MOSMO: variants seen among roughly 807,000 people sequenced by gnomAD.
The protein encoded by MOSMO is modulator of smoothened protein.
Under a neutral mutation model 18.4 loss-of-function variants are expected in MOSMO, and 5 were observed. That is an observed-to-expected ratio of 0.27 (90% CI 0.14 to 0.57). The LOEUF (loss-of-function observed/expected upper bound fraction) is 0.57. Ranked by LOEUF, MOSMO falls within the 20% of genes least tolerant of loss-of-function variation. MOSMO has a pLI of 0.92. For synonymous variants in MOSMO, 82 were observed against 82.3 expected (o/e 1.00, Z 0.02); for missense variants, 138 against 211.8 (o/e 0.65, Z 2.16).
At chr16:22,071,554 A>G (rs1900852367) in intron 1 of MOSMO, among the ~76,000 whole-genome samples, 1 of 152,194 alleles carries the variant, frequency 6.6e-6, no homozygotes, top group Admixed American at 6.5e-5. Context: ...CAGTGTCTGG[A>G]TTTACAGATG....
intron 1 of MOSMO, among the ~76,000 whole-genome samples, chr16:22,025,609 G>A (rs1598000254): frequency 6.6e-6 from 1 of 152,094 alleles, no homozygotes; most frequent in African/African-American, 2.4e-5. Flanking sequence ...AAGGAAAAAA[G>A]GAATTATCAA....
intron 1 of MOSMO, among the ~76,000 whole-genome samples, chr16:22,072,917 T>A (rs1428584152): frequency 3.9e-5 from 6 of 152,178 alleles, no homozygotes; most frequent in Non-Finnish European, 8.8e-5. Flanking sequence ...TGGTTTTGAT[T>A]TATTGTGATA....
rs1031479352 is a variant in MOSMO, at chr16:22,081,833, G to C, written c.*953G>C. 1 of 151,954 alleles carries C rather than the reference G, an allele frequency of 6.6e-6. No homozygotes were observed. The highest frequency in any genetic ancestry group is 2.4e-5 in the African/African-American group (1 of 41,386). 9.4% of individuals were successfully genotyped at this position (151,954 alleles called of 1,614,324 possible). ...TTTGTAGCAGCCCTTGATTTTAACAGGTTTTTGTAATAGGTACAGATAATC... is the reference window on the plus strand; with the variant it reads ...TTTGTAGCAGCCCTTGATTTTAACACGTTTTTGTAATAGGTACAGATAATC... On this transcript the variant is annotated 3_prime_UTR_variant, in exon 3 of 3. Coordinates refer to ENST00000542527, the MANE Select transcript of MOSMO (RefSeq NM_001164579.2).
Position 22,075,486 on chromosome 16 carries a change from G to A in MOSMO, c.107-1G>A. 6.5e-7 allele frequency: 1 copy of A among 1,537,134 alleles called. No homozygotes were observed. Among genetic ancestry groups the A allele is most frequent in the Non-Finnish European group, 8.7e-7 (1 of 1,146,794 alleles). On this transcript the variant is annotated splice_acceptor_variant, in intron 1 of 2. Coordinates refer to ENST00000542527, the MANE Select transcript of MOSMO (RefSeq NM_001164579.2). LOFTEE classifies it high-confidence loss of function. ...TATTCCCACCATTTGCATCTCCCCA[G>A]GAGCACTCACTGTGGGCCTCGTGCG... is the stretch of plus-strand genomic sequence containing the variant.
intron 1 of MOSMO, 45 bp from the exon 2 acceptor site, chr16:22,075,442 C>T (rs1283832787): frequency 1.4e-6 from 2 of 1,454,850 alleles, no homozygotes; most frequent in East Asian, 4.9e-5. Context: ...ATTCCCTGGA[C>T]AGGCCAAACC....
intron 1 of MOSMO, among the ~76,000 whole-genome samples, chr16:22,017,291 C>G (rs1272150402): frequency 6.6e-6 from 1 of 152,128 alleles, no homozygotes; most frequent in Admixed American, 6.5e-5. Context: ...TGATATGCTT[C>G]TCTAAGAGAC....
chr16:22,085,867 G>C (rs898463217), downstream of MOSMO: 1 of 152,112 alleles, frequency 6.6e-6, no homozygotes, highest in Non-Finnish European at 1.5e-5. Flanking sequence ...GCACATTCAA[G>C]GGTTTTACAA....
chr16:22,030,337 C>T (rs1010367934), intron 1 of MOSMO, among the ~76,000 whole-genome samples: 12 of 152,092 alleles, frequency 7.9e-5, no homozygotes, highest in African/African-American at 2.9e-4. Context: ...AAATCAAAAC[C>T]GTATTTTCCA....
Position 22,075,527 on chromosome 16 carries a change from C to T in MOSMO, c.147C>T (p.Ile49=). Residue 49 remains isoleucine (I), a synonymous_variant, in exon 2 of 3, where the codon ATC becomes ATT. Coordinates refer to ENST00000542527, the MANE Select transcript of MOSMO (RefSeq NM_001164579.2). ...GCCTCGTGCGACAGTGTCAAACAAT[C>T]CATGGACGAGACCGGACGTGCATCC... ...TVGLVRQCQT[I]HGRDRTCIPP... is the part of the protein sequence containing the mutation. 2 of 1,537,314 alleles carry T rather than the reference C, an allele frequency of 1.3e-6. No individual in the cohort carries two copies. Among genetic ancestry groups the T allele is most frequent in the Non-Finnish European group, 1.7e-6 (2 of 1,146,918 alleles).
intron 1 of MOSMO, among the ~76,000 whole-genome samples, chr16:22,011,484 G>A (rs1159165720): frequency 7.9e-5 from 12 of 152,082 alleles, no homozygotes; most frequent in Non-Finnish European, 1.3e-4. Flanking sequence ...AAAACTAATG[G>A]ATTGTTCAGT....
At chr16:22,016,185 C>CT (rs1899632250) in intron 1 of MOSMO, among the ~76,000 whole-genome samples, 2 of 151,966 alleles carry the variant, frequency 1.3e-5, no homozygotes, top group African/African-American at 4.8e-5. Flanking sequence ...TCTTGGATTC[C>CT]TTTTTTATTA....
At chr16:22,027,151 A>G (rs890628676) in intron 1 of MOSMO, among the ~76,000 whole-genome samples, 3 of 152,240 alleles carry the variant, frequency 2.0e-5, no homozygotes, top group Admixed American at 6.5e-5. Flanking sequence ...TTATATCACT[A>G]GTAAGAATGC....
chr16:22,057,214 T>C (rs1244256704), intron 1 of MOSMO, among the ~76,000 whole-genome samples: 1 of 152,210 alleles, frequency 6.6e-6, no homozygotes, highest in African/African-American at 2.4e-5. Context: ...AGAAATTATT[T>C]CTCACAGTTC....
At chr16:22,080,063 C>T (rs1405921083) in intron 2 of MOSMO, among the ~76,000 whole-genome samples, 1 of 152,154 alleles carries the variant, frequency 6.6e-6, no homozygotes, top group East Asian at 1.9e-4. Flanking sequence ...GGATTACAGA[C>T]ATGAGCCACC....
the MOSMO span, chr16:22,092,565 A>G: frequency 1.3e-6 from 2 of 1,539,880 alleles, no homozygotes; most frequent in Non-Finnish European, 1.8e-6. Context: ...AGCTTGGAGA[A>G]ACCAGAAGTG....
intron 1 of MOSMO, among the ~76,000 whole-genome samples, chr16:22,026,215 C>G (rs200648662): frequency 1.6e-5 from 2 of 122,122 alleles, no homozygotes; most frequent in South Asian, 2.6e-4. Flanking sequence ...GAATTGCATT[C>G]TTTTTTTTTT....
At position 22,023,733 on chromosome 16, in the gene MOSMO, T is replaced by C. The variant is rs141757591; in HGVS notation, c.106+15326T>C. Among the ~76,000 whole-genome samples, 14 of 152,258 alleles carry C rather than the reference T, an allele frequency of 9.2e-5. No homozygotes were observed. The East Asian group carries it at 2.5e-3, about 27-fold the overall frequency. ...GCCATTCTCAGTGGTCAGTTTCCAT[T>C]GTCTTTACCAATAGCTCTCTGCTGT... On this transcript the variant is annotated intron_variant, in intron 1 of 2. Transcript: ENST00000542527.
chr16:22,089,849 T>G (rs1901261686), downstream of MOSMO, among the ~76,000 whole-genome samples: 2 of 152,114 alleles, frequency 1.3e-5, no homozygotes, highest in Non-Finnish European at 2.9e-5. Flanking sequence ...CCACCAAACA[T>G]GGAACAAGTT....
At position 22,083,578 on chromosome 16, in the gene MOSMO, T is replaced by G. The variant is rs1319403055; in HGVS notation, c.*2698T>G. The G allele has an allele frequency of 9.1e-6, 4 of 438,384 alleles. No individual in the cohort carries two copies. The Admixed American group carries it at 1.1e-4, about 12-fold the overall frequency. 27.2% of individuals were successfully genotyped at this position (438,384 alleles called of 1,614,324 possible). On this transcript the variant is annotated 3_prime_UTR_variant, in exon 3 of 3. Coordinates refer to ENST00000542527, the MANE Select transcript of MOSMO (RefSeq NM_001164579.2). ...TAATAAGTACTATATAGTACAGTATTAATTTATAGCAGGAAATCGTATCTT... is the reference window on the plus strand; with the variant it reads ...TAATAAGTACTATATAGTACAGTATGAATTTATAGCAGGAAATCGTATCTT...
Sources: allele counts gnomAD v4.1 joint callset (sites outside exome capture counted in the v4.1 genomes callset), GRCh38; gene constraint gnomAD v4.1.1; transcripts MANE v1.5; gene names NCBI Gene and HGNC (gene_info 2026-07-23, HGNC 2026-07-21).